PCDHGB6: variants seen among roughly 807,000 people sequenced by gnomAD.
The protein encoded by PCDHGB6 is protocadherin gamma subfamily B, 6.
Under a neutral mutation model 59.1 loss-of-function variants are expected in PCDHGB6, and 51 were observed. The observed-to-expected ratio is 0.86, with a 90% CI of 0.69 to 1.09. PCDHGB6 has a LOEUF of 1.09. Among genes scored for constraint, PCDHGB6 ranks in the 50% least tolerant of loss-of-function variants. The pLI, the probability that PCDHGB6 is intolerant of heterozygous loss-of-function variation, is 0.00. For synonymous variants in PCDHGB6, 466 were observed against 495.1 expected, an observed-to-expected ratio of 0.94 and a Z score of 0.78; for missense variants, 1,148 against 1,205.1, an observed-to-expected ratio of 0.95 and a Z score of 0.70.
rs759809060 is a variant in PCDHGB6, at chr5:141,476,317, G to A, written c.2419-18490G>A. 1.2e-6 allele frequency: 2 copies of A among 1,614,170 alleles called. No individual in the cohort carries two copies. Among genetic ancestry groups the A allele is most frequent in the South Asian group, 2.2e-5 (2 of 91,078 alleles). On this transcript the variant is annotated intron_variant, in intron 1 of 3. Coordinates refer to ENST00000520790, the MANE Select transcript of PCDHGB6 (RefSeq NM_018926.3). This position sits in a 1 kb window ranked among gnomAD's most constrained non-coding sequence, Gnocchi z 7.6. Reference sequence around the variant, plus strand: ...GTAGCCTCTCAGCCCGCAGGTTCCGGGTGGTGTCTGGAGCTAGCCGAAGAT... The same window carrying A: ...GTAGCCTCTCAGCCCGCAGGTTCCGAGTGGTGTCTGGAGCTAGCCGAAGAT...
rs766227340 is a variant in PCDHGB6, at chr5:141,476,791, C to T, written c.2419-18016C>T. On this transcript the variant is annotated intron_variant, in intron 1 of 3. Transcript: ENST00000520790. The surrounding 1 kb of genome is among the most constrained non-coding windows in gnomAD (Gnocchi z 7.6). ...TGGACGGAGGGACCCCAGCTCTCTCCGCCAGCCTGCCTATTCACATCAAGG... is the reference window on the plus strand; with the variant it reads ...TGGACGGAGGGACCCCAGCTCTCTCTGCCAGCCTGCCTATTCACATCAAGG... 5.6e-6 allele frequency: 9 copies of T among 1,613,394 alleles called. No homozygotes were observed. Among genetic ancestry groups the T allele is most frequent in the Middle Eastern group, 1.6e-4 (1 of 6,084 alleles).
At chr5:141,418,000 G>T in intron 1 of PCDHGB6, 1 of 1,613,902 alleles carries the variant, frequency 6.2e-7, no homozygotes, top group Non-Finnish European at 8.5e-7. Context: ...GCTCGGTGGT[G>T]GGGAACCTCG....
intron 1 of PCDHGB6, among the ~76,000 whole-genome samples, chr5:141,472,280 A>G (rs988007394): frequency 6.6e-6 from 1 of 152,276 alleles, no homozygotes; most frequent in African/African-American, 2.4e-5. Context: ...AGTGGCTCAC[A>G]CCTGTAATCC....
At position 141,490,664 on chromosome 5, in the gene PCDHGB6, C is replaced by T; in HGVS notation, c.2419-4143C>T. 6.2e-7 allele frequency: 1 copy of T among 1,614,212 alleles called. No homozygotes were observed. The highest frequency in any genetic ancestry group is 1.1e-5 in the South Asian group (1 of 91,084). On this transcript the variant is annotated intron_variant, in intron 1 of 3. Coordinates refer to ENST00000520790, the MANE Select transcript of PCDHGB6 (RefSeq NM_018926.3). The surrounding 1 kb of genome is among the most constrained non-coding windows in gnomAD (Gnocchi z 5.4). ...CGGCCTCCGGGCTCCCTTCTTTGCA[C>T]TGTGGCTGCCTCAGATCCAGACACT...
At chr5:141,480,942 G>T (rs2099528600) in intron 1 of PCDHGB6, among the ~76,000 whole-genome samples, 3 of 152,132 alleles carry the variant, frequency 2.0e-5, no homozygotes, top group Non-Finnish European at 2.9e-5. Flanking sequence ...CTACTCTAGA[G>T]GCTGAGGCGG....
At chr5:141,433,353 G>C (rs2097584366) in intron 1 of PCDHGB6, 4 of 603,272 alleles carry the variant, frequency 6.6e-6, no homozygotes, top group South Asian at 6.2e-5. Context: ...GCCACCTACT[G>C]TCTGCCTATC....
rs1289333371 is a variant in PCDHGB6, at chr5:141,460,404, G to C, written c.2419-34403G>C. Among the ~76,000 whole-genome samples, 21 of 152,038 alleles carry C rather than the reference G, an allele frequency of 1.4e-4. 1 individual carries two copies. The highest frequency in any genetic ancestry group is 1.4e-3 in the Admixed American group (21 of 15,256). Reference sequence around the variant, plus strand: ...TATAATTTGGTCTATGAATCCTTTTGAGTTGATGTTTATGTATGGTGTATG... The same window carrying C: ...TATAATTTGGTCTATGAATCCTTTTCAGTTGATGTTTATGTATGGTGTATG... On this transcript the variant is annotated intron_variant, in intron 1 of 3. Transcript: ENST00000520790.
chr5:141,483,401 A>G (rs1052240280), intron 1 of PCDHGB6, among the ~76,000 whole-genome samples: 2 of 152,202 alleles, frequency 1.3e-5, no homozygotes, highest in African/African-American at 4.8e-5. Context: ...TGCTTGAACC[A>G]GCACAGTGGC....
At chr5:141,427,984 C>G (rs754620535) in intron 1 of PCDHGB6, 2 of 1,597,494 alleles carry the variant, frequency 1.3e-6, no homozygotes, top group South Asian at 2.2e-5. Flanking sequence ...GCGCTGGGGC[C>G]CGATGGCTCC....
chr5:141,462,125 A>G (rs918645911), intron 1 of PCDHGB6, among the ~76,000 whole-genome samples: 24 of 151,688 alleles, frequency 1.6e-4, no homozygotes, highest in African/African-American at 5.6e-4. Flanking sequence ...ACCCAGTCCA[A>G]TTTTTTGTAT....
intron 1 of PCDHGB6, chr5:141,421,647 G>A: frequency 6.2e-7 from 1 of 1,613,872 alleles, no homozygotes; most frequent in Non-Finnish European, 8.5e-7. Context: ...ACGAAGTGGA[G>A]ATAAAAGTCA....
At position 141,485,541 on chromosome 5, in the gene PCDHGB6, T is replaced by A; in HGVS notation, c.2419-9266T>A. 2 of 1,613,902 alleles carry A rather than the reference T, an allele frequency of 1.2e-6. No homozygotes were observed. Among genetic ancestry groups the A allele is most frequent in the Non-Finnish European group, 1.7e-6 (2 of 1,179,958 alleles). ...GAAATGTACCGAGCAGAGGTAGAGATCGTAGATGTGAATGATCACGCCCCC... is the reference window on the plus strand; with the variant it reads ...GAAATGTACCGAGCAGAGGTAGAGAACGTAGATGTGAATGATCACGCCCCC... On this transcript the variant is annotated intron_variant, in intron 1 of 3. Coordinates refer to ENST00000520790, the MANE Select transcript of PCDHGB6 (RefSeq NM_018926.3). The surrounding 1 kb of genome is among the most constrained non-coding windows in gnomAD (Gnocchi z 5.7).
intron 2 of PCDHGB6, 106 bp downstream of exon 2, chr5:141,494,971 C>T (rs1244836841): frequency 1.3e-6 from 2 of 1,583,382 alleles, no homozygotes; most frequent in African/African-American, 1.3e-5. Context: ...ATGGCTTCTC[C>T]CTCAGTTTGA....
intron 1 of PCDHGB6, among the ~76,000 whole-genome samples, chr5:141,457,015 A>T (rs1216403373): frequency 6.6e-6 from 1 of 152,182 alleles, no homozygotes; most frequent in Admixed American, 6.5e-5. Context: ...AATCCAATAA[A>T]AAGTCCTAGT....
intron 1 of PCDHGB6, among the ~76,000 whole-genome samples, chr5:141,457,124 ACT>A (rs1304231701): frequency 6.6e-6 from 1 of 152,158 alleles, no homozygotes; most frequent in Non-Finnish European, 1.5e-5. Context: ...AGCAATGGAA[ACT>A]CTGTCCAATA....
At chr5:141,417,826 A>T in intron 1 of PCDHGB6, 1 of 1,519,618 alleles carries the variant, frequency 6.6e-7, no homozygotes. Flanking sequence ...CTCCAACTGG[A>T]AAAGCGGGGA....
At chr5:141,453,517 C>T (rs1001603927) in intron 1 of PCDHGB6, among the ~76,000 whole-genome samples, 1 of 152,062 alleles carries the variant, frequency 6.6e-6, no homozygotes, top group African/African-American at 2.4e-5. Context: ...TCATTCCTCC[C>T]CTATACCTTC....
rs761718852 is a variant in PCDHGB6, at chr5:141,432,440, G to A, written c.2418+21820G>A. ...GCTGGACCAGAACGACAATGCGCCCGAGATCCTGTACCCCGCCCTCCCCAC... is the reference window on the plus strand; with the variant it reads ...GCTGGACCAGAACGACAATGCGCCCAAGATCCTGTACCCCGCCCTCCCCAC... On this transcript the variant is annotated intron_variant, in intron 1 of 3. Transcript: ENST00000520790. The surrounding 1 kb of genome is among the most constrained non-coding windows in gnomAD (Gnocchi z 6.0). 1.3e-5 allele frequency: 21 copies of A among 1,614,226 alleles called. No homozygotes were observed. Among genetic ancestry groups the A allele is most frequent in the Non-Finnish European group, 1.6e-5 (19 of 1,180,048 alleles).
Position 141,408,693 on chromosome 5 carries a change from TAAACTC to T in PCDHGB6, c.494_499del (p.Asn165_Ser166del), listed in dbSNP as rs1561714743. 1.9e-6 allele frequency: 3 copies of T among 1,613,768 alleles called. No homozygotes were observed. In the African/African-American group the frequency reaches 4.0e-5, roughly 22 times the overall value. On this transcript the variant is annotated inframe_deletion, in exon 1 of 4. Coordinates refer to ENST00000520790, the MANE Select transcript of PCDHGB6 (RefSeq NM_018926.3). The stretch of plus-strand genomic sequence containing the variant: ...CCTGCCACGGATCCTGATATAAACA[TAAACTC>T]AATTAAAGATTATAAGATAAACTCT...
Sources: allele counts gnomAD v4.1 joint callset (sites outside exome capture counted in the v4.1 genomes callset), GRCh38; gene constraint gnomAD v4.1.1; non-coding constraint Gnocchi (gnomAD v3.1); transcripts MANE v1.5; gene names NCBI Gene and HGNC (gene_info 2026-07-23, HGNC 2026-07-21).